The following ZNF536 variants were observed in gnomAD, a reference collection of about 807,000 sequenced individuals.
ZNF536 encodes zinc finger protein 536.
In ZNF536, 13 loss-of-function variants were observed where a neutral mutation model predicts 84.5. That is an observed-to-expected ratio of 0.15 (90% CI 0.10 to 0.24). The LOEUF is 0.24. Among genes scored for constraint, ZNF536 ranks in the 10% least tolerant of loss-of-function variants. The pLI is 1.00. For synonymous variants in ZNF536, 811 were observed against 742.5 expected, an observed-to-expected ratio of 1.09 and a Z score of -1.50; for missense variants, 1,536 against 1,747.5, an observed-to-expected ratio of 0.88 and a Z score of 2.16.
At chr19:30,420,096 G>C (rs1371671485) in intron 1 of ZNF536, among the ~76,000 whole-genome samples, 1 of 152,194 alleles carries the variant, frequency 6.6e-6, no homozygotes, top group East Asian at 1.9e-4. Flanking sequence ...GACACTCCCA[G>C]GGATGTCACG....
chr19:30,492,907 A>G (rs749168585), intron 2 of ZNF536, among the ~76,000 whole-genome samples: 3 of 152,286 alleles, frequency 2.0e-5, no homozygotes, highest in South Asian at 2.1e-4. Flanking sequence ...AGCCACACCT[A>G]TCGCCAACGC....
intron 1 of ZNF536, among the ~76,000 whole-genome samples, chr19:30,688,623 A>C (rs1347984532): frequency 6.6e-6 from 1 of 152,240 alleles, no homozygotes; most frequent in Non-Finnish European, 1.5e-5. Context: ...GTAAAAAGCT[A>C]TATCAAAAGG....
intron 2 of ZNF536, among the ~76,000 whole-genome samples, chr19:30,456,254 C>CTATAA (rs2052834971): frequency 1.3e-5 from 2 of 150,424 alleles, no homozygotes; most frequent in Non-Finnish European, 2.9e-5. Flanking sequence ...AACTCTATAT[C>CTATAA]TATAAAATGG....
chr19:30,666,012 G>A (rs2050302838), intron 1 of ZNF536, among the ~76,000 whole-genome samples: 1 of 152,186 alleles, frequency 6.6e-6, no homozygotes, highest in Non-Finnish European at 1.5e-5. Context: ...TGGGGCCCCT[G>A]CAGCCCCAAA....
downstream of ZNF536, among the ~76,000 whole-genome samples, chr19:30,561,441 C>G (rs1321787470): frequency 1.3e-5 from 2 of 152,148 alleles, no homozygotes; most frequent in Non-Finnish European, 2.9e-5. Context: ...CTCTCAATCC[C>G]CTAAGACTTC....
rs373211479 is a variant in ZNF536, at chr19:30,643,774, G to A, written c.170-66983G>A. On this transcript the variant is annotated intron_variant, in intron 1 of 1. Transcript: ENST00000592773. ...GGGTGGAAGATTGGGAGTTGCGTTG[G>A]GGGGTGGTGCTTACATCTCCCCCAG... 3.3e-5 allele frequency among the ~76,000 whole-genome samples: 5 copies of A among 152,034 alleles called. No individual in the cohort carries two copies. In the East Asian group the frequency reaches 5.8e-4, roughly 18 times the overall value.
chr19:30,478,562 A>G (rs919113984), intron 2 of ZNF536, among the ~76,000 whole-genome samples: 1 of 152,172 alleles, frequency 6.6e-6, no homozygotes, highest in African/African-American at 2.4e-5. Context: ...CTGATCCCTT[A>G]TGTGTATACC....
chr19:30,259,633 C>G (rs2025092706), intron 1 of ZNF536, among the ~76,000 whole-genome samples: 1 of 152,222 alleles, frequency 6.6e-6, no homozygotes, highest in Non-Finnish European at 1.5e-5. Context: ...TGTTCCAGAA[C>G]TTTCCATCAT....
intron 2 of ZNF536, among the ~76,000 whole-genome samples, chr19:30,485,707 G>GGA (rs2054278913): frequency 6.6e-6 from 1 of 151,000 alleles, no homozygotes; most frequent in South Asian, 2.1e-4. Context: ...GGGGTGGGGG[G>GGA]AAACATCTTT....
intron 1 of ZNF536, among the ~76,000 whole-genome samples, chr19:30,589,087 G>A (rs2047191460): frequency 6.6e-6 from 1 of 152,116 alleles, no homozygotes; most frequent in South Asian, 2.1e-4. Flanking sequence ...GAAAGTTAGA[G>A]GACATTAGAT....
chr19:30,507,350 CA>C (rs891417674), intron 2 of ZNF536, among the ~76,000 whole-genome samples: 4 of 147,954 alleles, frequency 2.7e-5, no homozygotes, highest in African/African-American at 7.5e-5. Flanking sequence ...GACTCCATCT[CA>C]AAAAAAAACC....
intron 1 of ZNF536, among the ~76,000 whole-genome samples, chr19:30,574,002 A>G (rs982877484): frequency 1.3e-5 from 2 of 152,174 alleles, no homozygotes; most frequent in African/African-American, 4.8e-5. Context: ...GCTTTCAAAT[A>G]AATAGCTGTT....
chr19:30,663,985 A>G (rs926432161), intron 1 of ZNF536, among the ~76,000 whole-genome samples: 11 of 152,078 alleles, frequency 7.2e-5, no homozygotes, highest in Admixed American at 2.6e-4. Flanking sequence ...CTGGCTGCCA[A>G]TTTTTTTTCT....
chr19:30,253,845 G>A (rs1002200877), intron 1 of ZNF536, among the ~76,000 whole-genome samples: 1 of 152,208 alleles, frequency 6.6e-6, no homozygotes, highest in African/African-American at 2.4e-5. Context: ...TCATAGGAAA[G>A]GGAACAAGCG....
intron 3 of ZNF536, among the ~76,000 whole-genome samples, chr19:30,546,944 G>A (rs79171779): frequency 0.025 from 3,734 of 152,174 alleles, 156 homozygotes; most frequent in African/African-American, 0.087. Flanking sequence ...GTCTCTTCTG[G>A]TATCTTTTTC....
At chr19:30,345,613 A>G (rs1029745245) in intron 2 of ZNF536, among the ~76,000 whole-genome samples, 1 of 152,238 alleles carries the variant, frequency 6.6e-6, no homozygotes. Flanking sequence ...CTCCACTTTT[A>G]GAAATTTCAA....
chr19:30,277,391 G>A (rs1177733881), intron 1 of ZNF536, among the ~76,000 whole-genome samples: 3 of 152,130 alleles, frequency 2.0e-5, no homozygotes, highest in African/African-American at 7.2e-5. Flanking sequence ...AGCCTGGTCC[G>A]ATATTGTAGG....
In ZNF536 at chr19:30,571,123, G is replaced by T. The variant is rs567893542; in HGVS notation, c.169+21609G>T. ...TTTATCCCCTTTTTTTTTGATTCTA[G>T]TTTTTCATATCTTAGCACATTTTCC... is the stretch of plus-strand genomic sequence containing the variant. On this transcript the variant is annotated intron_variant, in intron 1 of 1. Transcript: ENST00000592773. Among the ~76,000 whole-genome samples, 740 of 152,030 alleles carry T rather than the reference G, an allele frequency of 4.9e-3. 8 individuals carry two copies. The highest frequency in any genetic ancestry group is 0.017 in the African/African-American group (710 of 41,452).
At chr19:30,303,129 C>T (rs2046239184) in intron 2 of ZNF536, among the ~76,000 whole-genome samples, 1 of 152,158 alleles carries the variant, frequency 6.6e-6, no homozygotes, top group South Asian at 2.1e-4. Context: ...CCCAGGAGCT[C>T]CTAGATGGGT....
Sources: allele counts gnomAD v4.1 joint callset (sites outside exome capture counted in the v4.1 genomes callset), GRCh38; gene constraint gnomAD v4.1.1; transcripts MANE v1.5; gene names NCBI Gene and HGNC (gene_info 2026-07-23, HGNC 2026-07-21).